The following DNER variants were observed in gnomAD, a reference collection of about 807,000 sequenced individuals.
The protein encoded by DNER is delta and Notch-like epidermal growth factor-related receptor.
A neutral mutation model predicts 78.2 loss-of-function variants in DNER; 33 were observed. The ratio of observed to expected loss-of-function variants is 0.42; its 90% confidence interval spans 0.32 to 0.56. The LOEUF (loss-of-function observed/expected upper bound fraction) is 0.56. Among genes scored for constraint, DNER ranks in the 20% least tolerant of loss-of-function variants. The pLI is 0.11. For missense variants in DNER, 918 were observed against 975.3 expected (o/e 0.94, Z 0.78); for synonymous variants, 417 against 384.8 (o/e 1.08, Z -0.98).
chr2:229,652,136 G>A (rs1019184197), intron 1 of DNER, among the ~76,000 whole-genome samples: 1 of 152,156 alleles, frequency 6.6e-6, no homozygotes, highest in African/African-American at 2.4e-5. Context: ...AAGGAGCCCT[G>A]CCCCCTGCAG....
At chr2:229,411,231 C>G (rs1199591940) in intron 9 of DNER, among the ~76,000 whole-genome samples, 1 of 152,128 alleles carries the variant, frequency 6.6e-6, no homozygotes, top group Non-Finnish European at 1.5e-5. Context: ...CTCTTCCTTC[C>G]CATTAAAATT....
chr2:229,390,337 T>C (rs7579543), intron 10 of DNER, among the ~76,000 whole-genome samples: 59,928 of 152,110 alleles, frequency 0.39, 12,750 homozygotes, highest in Middle Eastern at 0.5. Context: ...CAATGACATA[T>C]GCTTTTCATT....
chr2:229,393,070 A>T (rs900390137), intron 10 of DNER, among the ~76,000 whole-genome samples: 2 of 152,188 alleles, frequency 1.3e-5, no homozygotes, highest in South Asian at 2.1e-4. Context: ...CATGGAAAAT[A>T]AAAAACAAGC....
At chr2:229,552,505 G>A (rs2154213379) in intron 4 of DNER, among the ~76,000 whole-genome samples, 1 of 152,280 alleles carries the variant, frequency 6.6e-6, no homozygotes, top group Admixed American at 6.5e-5. Context: ...CGTGGAAATG[G>A]TCACCCTCAT....
At chr2:229,373,144 C>G (rs756479241) in intron 11 of DNER, among the ~76,000 whole-genome samples, 1 of 152,114 alleles carries the variant, frequency 6.6e-6, no homozygotes, top group Non-Finnish European at 1.5e-5. Flanking sequence ...AAACTATTGA[C>G]AGAGTAAACA....
At chr2:229,496,146 A>C (rs1369718899) in intron 6 of DNER, among the ~76,000 whole-genome samples, 1 of 152,302 alleles carries the variant, frequency 6.6e-6, no homozygotes, top group East Asian at 1.9e-4. Context: ...CCTTGTTACT[A>C]AGTTTAATAA....
In DNER at chr2:229,359,083, C is replaced by T. The variant is rs548091795; in HGVS notation, c.2103-432G>A. 8.5e-5 allele frequency among the ~76,000 whole-genome samples: 13 copies of T among 152,296 alleles called. No individual in the cohort carries two copies. The South Asian group carries it at 2.7e-3, about 32-fold the overall frequency. On this transcript the variant is annotated intron_variant, in intron 12 of 12. Transcript: ENST00000341772. ...CCGGGCCATGGACAGACAGCCTTTC[C>T]TGTGGGATTTTCAGGGGATAAGCTG...
At chr2:229,675,991 C>G (rs532157502) in intron 1 of DNER, among the ~76,000 whole-genome samples, 1 of 152,328 alleles carries the variant, frequency 6.6e-6, no homozygotes, top group African/African-American at 2.4e-5. Context: ...TTCTCTCTGG[C>G]TGTGCTGCTG....
At chr2:229,442,040 T>C (rs1456772260) in intron 8 of DNER, among the ~76,000 whole-genome samples, 1 of 152,128 alleles carries the variant, frequency 6.6e-6, no homozygotes, top group Admixed American at 6.5e-5. Context: ...AGCTGGGTGA[T>C]CAGGATTCCA....
chr2:229,444,719 T>A (rs1694304960), intron 8 of DNER, among the ~76,000 whole-genome samples: 1 of 151,984 alleles, frequency 6.6e-6, no homozygotes, highest in South Asian at 2.1e-4. Context: ...TGCAACCCTG[T>A]CTCTAGTAAA....
chr2:229,684,635 C>A (rs1699454002), intron 1 of DNER, among the ~76,000 whole-genome samples: 1 of 152,032 alleles, frequency 6.6e-6, no homozygotes, highest in African/African-American at 2.4e-5. Flanking sequence ...TGGAAATTTA[C>A]CTTGAATTTA....
chr2:229,438,750 G>A (rs941052367), intron 8 of DNER, among the ~76,000 whole-genome samples: 1 of 152,092 alleles, frequency 6.6e-6, no homozygotes, highest in Non-Finnish European at 1.5e-5. Context: ...AATACCTAAT[G>A]GGTACGATGT....
At chr2:229,607,056 A>G (rs1697954539) in intron 1 of DNER, among the ~76,000 whole-genome samples, 1 of 152,160 alleles carries the variant, frequency 6.6e-6, no homozygotes, top group African/African-American at 2.4e-5. Context: ...ATTACAAACC[A>G]TACAAGGAAA....
In DNER at chr2:229,469,569, G is replaced by A. The variant is rs114140688; in HGVS notation, c.1261+7571C>T. ...GTAAATTGTTCAAGGTCGCCAGGGA[G>A]TAAGTAATCAAACAGGTTCAAACTC... On this transcript the variant is annotated intron_variant, in intron 7 of 12. Coordinates refer to ENST00000341772, the MANE Select transcript of DNER (RefSeq NM_139072.4). Among the ~76,000 whole-genome samples, 1,314 of 152,326 alleles carry A rather than the reference G, an allele frequency of 8.6e-3. 23 individuals carry two copies. Among genetic ancestry groups the A allele is most frequent in the African/African-American group, 0.03 (1,244 of 41,564 alleles).
Position 229,535,455 on chromosome 2 carries a change from G to C in DNER, c.993+11492C>G, listed in dbSNP as rs139589482. ...GCCAGTAGATCTCAACTAATACCTT[G>C]GAGAAAGCCTCCAAATCCAACCCTG... On this transcript the variant is annotated intron_variant, in intron 5 of 12. Coordinates refer to ENST00000341772, the MANE Select transcript of DNER (RefSeq NM_139072.4). Among the ~76,000 whole-genome samples the C allele has an allele frequency of 2.0e-5, 3 of 152,230 alleles. No individual in the cohort carries two copies. In the East Asian group the frequency reaches 5.8e-4, roughly 29 times the overall value.
intron 5 of DNER, among the ~76,000 whole-genome samples, chr2:229,516,966 C>G (rs1695989531): frequency 6.7e-6 from 1 of 150,234 alleles, no homozygotes; most frequent in African/African-American, 2.4e-5. Context: ...AAAAAATTAG[C>G]TGGGCGTGGT....
At chr2:229,469,717 CG>C (rs1371308779) in intron 7 of DNER, among the ~76,000 whole-genome samples, 2 of 152,102 alleles carry the variant, frequency 1.3e-5, no homozygotes, top group African/African-American at 2.4e-5. Context: ...CCAAGGCAGG[CG>C]GATCACCTGA....
intron 1 of DNER, among the ~76,000 whole-genome samples, chr2:229,684,134 GTC>G (rs1338274618): frequency 0.02 from 2,205 of 112,496 alleles, 47 homozygotes; most frequent in East Asian, 0.13. Flanking sequence ...TTGTGTGTGT[GTC>G]TGTGTATGTG....
intron 5 of DNER, among the ~76,000 whole-genome samples, chr2:229,537,401 AGTAGGAACC>A (rs1696427239): frequency 1.3e-5 from 2 of 152,230 alleles, no homozygotes; most frequent in Non-Finnish European, 2.9e-5. Flanking sequence ...GTTGCTCAGC[AGTAGGAACC>A]CCAGAGAAAA....
Sources: gnomAD v4.1 joint callset for allele counts (sites outside exome capture counted in the v4.1 genomes callset) on GRCh38, gnomAD v4.1.1 for gene constraint, MANE v1.5 for transcripts, NCBI Gene and HGNC (gene_info 2026-07-23, HGNC 2026-07-21) for gene names.